The following SLC25A35 variants were observed in gnomAD, a reference collection of about 807,000 sequenced individuals.
SLC25A35 encodes solute carrier family 25, member 35.
Under a neutral mutation model 30.5 loss-of-function variants are expected in SLC25A35, and 32 were observed. The ratio of observed to expected loss-of-function variants is 1.05; its 90% CI spans 0.79 to 1.41. The LOEUF is 1.41. Among genes scored for constraint, SLC25A35 ranks in the 40% most tolerant of loss-of-function variants. The pLI, the probability that SLC25A35 is intolerant of heterozygous loss-of-function variation, is 0.00. For missense variants in SLC25A35, 369 were observed against 388.0 expected, an observed-to-expected ratio of 0.95 and a Z score of 0.41; for synonymous variants, 142 against 158.1, an observed-to-expected ratio of 0.90 and a Z score of 0.77.
In SLC25A35 at chr17:8,294,929, T is replaced by C; in HGVS notation, c.-122A>G. Reference sequence around the variant, plus strand: ...CAGTACAGGTTGCAGAAGATAAGAATTTAGATTTGCAGTCAAGGGTGTCAG... The same window carrying C: ...CAGTACAGGTTGCAGAAGATAAGAACTTAGATTTGCAGTCAAGGGTGTCAG... On this transcript the variant is annotated 5_prime_UTR_variant, in exon 1 of 5. Transcript: ENST00000577745. 1 of 1,466,266 alleles carries C rather than the reference T, an allele frequency of 6.8e-7. No individual in the cohort carries two copies. The highest frequency in any genetic ancestry group is 9.0e-7 in the Non-Finnish European group (1 of 1,114,680). 90.8% of individuals were successfully genotyped at this position (1,466,266 alleles called of 1,614,324 possible).
At chr17:8,291,917 C>T (rs1437939091) in intron 2 of SLC25A35, among the ~76,000 whole-genome samples, 1 of 152,108 alleles carries the variant, frequency 6.6e-6, no homozygotes, top group East Asian at 1.9e-4. Context: ...GGTGCAGTGG[C>T]TCATGCCTGT....
chr17:8,289,761 C>G (rs1597442308), downstream of SLC25A35: 1 of 1,613,682 alleles, frequency 6.2e-7, no homozygotes, highest in Non-Finnish European at 8.5e-7. Flanking sequence ...TGGCAATTTC[C>G]AAACCTCAGG....
chr17:8,292,097 A>G (rs1002449567), intron 2 of SLC25A35, among the ~76,000 whole-genome samples: 3 of 152,176 alleles, frequency 2.0e-5, no homozygotes, highest in African/African-American at 7.2e-5. Context: ...CAGGAGAATC[A>G]CTTGAACCCG....
At chr17:8,292,150 C>G (rs556391491) in intron 2 of SLC25A35, among the ~76,000 whole-genome samples, 61 of 151,930 alleles carry the variant, frequency 4.0e-4, no homozygotes, top group South Asian at 1.0e-3. Flanking sequence ...CCACTGCACT[C>G]CAGCCTGGGC....
intron 1 of SLC25A35, among the ~76,000 whole-genome samples, chr17:8,293,126 T>C (rs913320094): frequency 1.4e-4 from 21 of 152,210 alleles, no homozygotes; most frequent in Non-Finnish European, 2.6e-4. Flanking sequence ...CCCGTCTCTT[T>C]TGCTCTTGGG....
downstream of SLC25A35, chr17:8,289,533 T>G: frequency 6.2e-7 from 1 of 1,614,160 alleles, no homozygotes; most frequent in Non-Finnish European, 8.5e-7. Context: ...TCATCAGGCC[T>G]TGCTGAGGCT....
intron 3 of SLC25A35, 108 bp from the exon 4 acceptor site, chr17:8,291,084 C>T: frequency 1.4e-6 from 2 of 1,463,790 alleles, no homozygotes; most frequent in South Asian, 2.5e-5. Flanking sequence ...GGGGAGCTTC[C>T]ACTGCACCAG....
chr17:8,290,357 G>C lies in SLC25A35; in HGVS notation c.*148C>G. On this transcript the variant is annotated 3_prime_UTR_variant, in exon 5 of 5. Transcript: ENST00000577745. ...AGAAGGGAAACTCATCTCTTGTAGTGATTCAACCCTGAGAACAGATGGGGA... is the reference window on the plus strand; with the variant it reads ...AGAAGGGAAACTCATCTCTTGTAGTCATTCAACCCTGAGAACAGATGGGGA... 1 of 1,444,090 alleles carries C rather than the reference G, an allele frequency of 6.9e-7. No homozygotes were observed. Among genetic ancestry groups the C allele is most frequent in the Non-Finnish European group, 9.1e-7 (1 of 1,103,986 alleles). 89.5% of individuals were successfully genotyped at this position (1,444,090 alleles called of 1,614,324 possible).
intron 1 of SLC25A35, among the ~76,000 whole-genome samples, chr17:8,294,132 G>C (rs1329650671): frequency 1.3e-5 from 2 of 151,418 alleles, no homozygotes; most frequent in Non-Finnish European, 2.9e-5. Flanking sequence ...AGCCAGGATG[G>C]TCTCCATCTC....
rs1449737349 is a variant in SLC25A35 at position 8,290,572 on chromosome 17, G to A, written c.836C>T (p.Pro279Leu). 6.5e-7 allele frequency: 1 copy of A among 1,536,020 alleles called. No homozygotes were observed. Among genetic ancestry groups the A allele is most frequent in the Non-Finnish European group, 8.7e-7 (1 of 1,146,904 alleles). ...GIGASYFRLGPHTILSLFFWD... is the reference protein window; with the variant it reads ...GIGASYFRLGLHTILSLFFWD... Reference sequence around the variant, plus strand: ...GAAGAAGAGGGAGAGGATGGTGTGGGGGCCGAGGCGGAAGTAGGAGGCACC... The same window carrying A: ...GAAGAAGAGGGAGAGGATGGTGTGGAGGCCGAGGCGGAAGTAGGAGGCACC... Residue 279 changes from proline to leucine, a missense_variant, in exon 5 of 5, where the codon CCC (proline) becomes CTC (leucine). Physicochemically the swap from Pro to Leu is moderately conservative, Grantham distance 98. Transcript: ENST00000577745.
chr17:8,290,882 C>T lies in SLC25A35; in HGVS notation c.689G>A (p.Cys230Tyr), dbSNP rs772697507. 8 of 1,614,134 alleles carry T rather than the reference C, an allele frequency of 5.0e-6. No homozygotes were observed. Among genetic ancestry groups the T allele is most frequent in the Non-Finnish European group, 5.9e-6 (7 of 1,180,004 alleles). The part of the protein sequence containing the change: ...VLAMAPFDVA[C>Y]TRLYNQPTDA... ...TGTGGGCTGGTTGTAGAGCCTTGTG[C>T]AGGCCACATCAAAGGGTGCCATGGC... The change falls in exon 4 of 5, where the codon TGC (cysteine) becomes TAC (tyrosine). Residue 230 changes from cysteine to tyrosine, a missense_variant. By Grantham distance (194) the Cys-to-Tyr change is radical (BLOSUM62 -2). Transcript: ENST00000577745.
chr17:8,290,450 T>C lies in SLC25A35; in HGVS notation c.*55A>G, dbSNP rs561956853. 4.8e-5 allele frequency: 73 copies of C among 1,522,124 alleles called. No individual in the cohort carries two copies. The African/African-American group carries it at 7.5e-4, about 16-fold the overall frequency. The allele number at this position is 1,522,124 out of a possible 1,614,324, so 94.3% of individuals were successfully genotyped here. A position where few individuals can be genotyped will look rare whatever the true frequency, so the allele number is the denominator to read the frequency against. ...ATCAGTAGTCACCAGGACATAGTGG[T>C]GGAGGCACAAGTGGCCAAGGAGTGC... is the stretch of plus-strand genomic sequence containing the variant. On this transcript the variant is annotated 3_prime_UTR_variant, in exon 5 of 5. Transcript: ENST00000577745.
downstream of SLC25A35, chr17:8,288,415 TGG>T: frequency 2.9e-6 from 1 of 347,994 alleles, no homozygotes; most frequent in Non-Finnish European, 5.5e-6. Context: ...CATTACAGCC[TGG>T]GCGACACAGC....
intron 3 of SLC25A35, 98 bp downstream of exon 3, chr17:8,291,235 C>A: frequency 6.5e-7 from 1 of 1,536,194 alleles, no homozygotes; most frequent in Non-Finnish European, 8.9e-7. Context: ...CACTCCCTCA[C>A]CTGTGAATGT....
Position 8,290,845 on chromosome 17 carries a change from G to T in SLC25A35, c.726C>A (p.Gly242=), listed in dbSNP as rs758433055. Residue 242 remains glycine, a synonymous_variant, in exon 4 of 5, where the codon GGC becomes GGA. Transcript: ENST00000577745. The part of the protein sequence containing the change: ...RLYNQPTDAQ[G]KGLMYRGILD... ...GCATCCCAGAGCACTTCCTTACCTT[G>T]CCCTGTGCATCTGTGGGCTGGTTGT... is the stretch of plus-strand genomic sequence containing the variant. The T allele has an allele frequency of 6.2e-7, 1 of 1,613,756 alleles. No homozygotes were observed. The highest frequency in any genetic ancestry group is 1.3e-5 in the African/African-American group (1 of 74,876).
chr17:8,289,258 G>A (rs775188458), downstream of SLC25A35: 6 of 1,613,484 alleles, frequency 3.7e-6, no homozygotes, highest in African/African-American at 1.3e-5. Context: ...CCTACTCCAG[G>A]TACCACTTTG....
At chr17:8,289,777 ATGATGTTCTGTC>A, downstream of SLC25A35, 1 of 1,613,566 alleles carries the variant, frequency 6.2e-7, no homozygotes, top group Non-Finnish European at 8.5e-7. Flanking sequence ...TCAGGCCTGG[ATGATGTTCTGTC>A]TCCATCTGTT....
At chr17:8,292,368 TA>T (rs773840920) in intron 2 of SLC25A35, among the ~76,000 whole-genome samples, 154 bp downstream of exon 2, 2 of 151,318 alleles carry the variant, frequency 1.3e-5, no homozygotes, top group African/African-American at 2.4e-5. Flanking sequence ...AAAAAAAGAG[TA>T]AAGAGGGTCT....
intron 1 of SLC25A35, 71 bp from the exon 2 acceptor site, chr17:8,292,659 C>T (rs2151619292): frequency 7.5e-7 from 1 of 1,324,764 alleles, no homozygotes; most frequent in African/African-American, 1.4e-5. Context: ...AATGTCTCAC[C>T]CCCTCACACT....
Sources: gnomAD v4.1 joint callset for allele counts (sites outside exome capture counted in the v4.1 genomes callset) on GRCh38, gnomAD v4.1.1 for gene constraint, MANE v1.5 for transcripts, NCBI Gene and HGNC (gene_info 2026-07-23, HGNC 2026-07-21) for gene names.